RPS6: variants seen among roughly 807,000 people sequenced by gnomAD.
RPS6 encodes small ribosomal subunit protein eS6.
A neutral mutation model predicts 27.1 loss-of-function variants in RPS6; 1 was observed. The observed-to-expected ratio is 0.04, with a 90% CI of 0.01 to 0.18. The LOEUF (loss-of-function observed/expected upper bound fraction) is 0.18. Ranked by LOEUF, RPS6 falls within the 10% of genes least tolerant of loss-of-function variation. The probability of loss-of-function intolerance (pLI) is 1.00; values close to 1 mark genes in which losing one functional copy is unlikely to be tolerated. For synonymous variants in RPS6, 152 were observed against 106.0 expected (o/e 1.43, Z -2.66); for missense variants, 259 against 319.1 (o/e 0.81, Z 1.44).
intron 2 of RPS6, 61 bp downstream of exon 2, chr9:19,379,426 A>G: frequency 1.2e-6 from 2 of 1,604,842 alleles, no homozygotes; most frequent in Non-Finnish European, 1.7e-6. Flanking sequence ...TCCAAATACC[A>G]GTTACCAATG....
In RPS6 at chr9:19,376,245, TCAA is replaced by T. The variant is rs1829584306; in HGVS notation, c.*45_*47del. On this transcript the variant is annotated 3_prime_UTR_variant, in exon 6 of 6. Coordinates refer to ENST00000380394, the MANE Select transcript of RPS6 (RefSeq NM_001010.3). ...GTAGTTTTCTATCAGCAATGAAAAG[TCAA>T]CAGAGATCAGAGTCTGATCTTATTT... 6.8e-7 allele frequency: 1 copy of T among 1,474,208 alleles called. No homozygotes were observed. The highest frequency in any genetic ancestry group is 1.4e-5 in the African/African-American group (1 of 70,872). The allele number at this position is 1,474,208 out of a possible 1,614,324, so 91.3% of individuals were successfully genotyped here.
In RPS6 at chr9:19,379,481, T is replaced by C. The variant is rs200536268; in HGVS notation, c.138+6A>G. 37 of 1,614,038 alleles carry C rather than the reference T, an allele frequency of 2.3e-5. No individual in the cohort carries two copies. Among genetic ancestry groups the C allele is most frequent in the Non-Finnish European group, 2.9e-5 (34 of 1,180,018 alleles). On this transcript the variant is annotated splice_donor_region_variant and intron_variant, in intron 2 of 5. Coordinates refer to ENST00000380394, the MANE Select transcript of RPS6 (RefSeq NM_001010.3). ...TAAATACCTGCAACAATTTGTCAAC[T>C]TTTACCTTCCATTCTTCACCCAGAG...
rs1030336018 is a variant in RPS6 at position 19,376,029 on chromosome 9, T to C, written c.*264A>G. 2 of 339,208 alleles carry C rather than the reference T, an allele frequency of 5.9e-6. No individual in the cohort carries two copies. The highest frequency in any genetic ancestry group is 4.4e-5 in the Admixed American group (1 of 22,958). 21.0% of individuals were successfully genotyped at this position (339,208 alleles called of 1,614,324 possible). A position where few individuals can be genotyped will look rare whatever the true frequency, so the allele number is the denominator to read the frequency against. On this transcript the variant is annotated 3_prime_UTR_variant, in exon 6 of 6. Transcript: ENST00000380394. ...TCCTCATCATTTCCCCTAAGTTCCATGCCATTCTGAAGAGGCAGGTGTCTT... is the reference window on the plus strand; with the variant it reads ...TCCTCATCATTTCCCCTAAGTTCCACGCCATTCTGAAGAGGCAGGTGTCTT...
chr9:19,379,048 CGTTTT>C, intron 2 of RPS6, 130 bp from the exon 3 acceptor site: 1 of 958,242 alleles, frequency 1.0e-6, no homozygotes. Flanking sequence ...AACTTAAGCA[CGTTTT>C]CTCTGTTCAG....
chr9:19,378,486 A>G lies in RPS6; in HGVS notation c.378T>C (p.Asp126=), dbSNP rs1829626103. 2 of 1,614,220 alleles carry G rather than the reference A, an allele frequency of 1.2e-6. No individual in the cohort carries two copies. Among genetic ancestry groups the G allele is most frequent in the South Asian group, 1.1e-5 (1 of 91,086 alleles). ...KGEKDIPGLT[D]TTVPRRLGPK... ...GGCCCAGGCGGCGAGGCACTGTAGTATCAGTCAGTCCAGGAATATCCTTCT... is the reference window on the plus strand; with the variant it reads ...GGCCCAGGCGGCGAGGCACTGTAGTGTCAGTCAGTCCAGGAATATCCTTCT... The change falls in exon 4 of 6, where the codon GAT becomes GAC. Residue 126 remains aspartate, a synonymous_variant. Coordinates refer to ENST00000380394, the MANE Select transcript of RPS6 (RefSeq NM_001010.3).
At chr9:19,379,902 A>C (rs936465409) in intron 1 of RPS6, 41 of 1,425,588 alleles carry the variant, frequency 2.9e-5, no homozygotes, top group Non-Finnish European at 3.7e-5. Context: ...GCCGGGGTCA[A>C]GAGCCGCACC....
At position 19,378,695 on chromosome 9, in the gene RPS6, A is replaced by C. The variant is rs956289056; in HGVS notation, c.349+13T>G. The C allele has an allele frequency of 6.2e-7, 1 of 1,613,612 alleles. No homozygotes were observed. The highest frequency in any genetic ancestry group is 1.3e-5 in the African/African-American group (1 of 75,050). On this transcript the variant is annotated intron_variant, in intron 3 of 5. Coordinates refer to ENST00000380394, the MANE Select transcript of RPS6 (RefSeq NM_001010.3). Reference sequence around the variant, plus strand: ...ATCAATTTCAACGAAAATTGAACACAAGTAACCCTCACCTTTTTTTACAAT... The same window carrying C: ...ATCAATTTCAACGAAAATTGAACACCAGTAACCCTCACCTTTTTTTACAAT...
Position 19,376,104 on chromosome 9 carries a change from TACACTG to T in RPS6, c.*183_*188del, listed in dbSNP as rs1256240157. The T allele has an allele frequency of 1.6e-5, 9 of 565,242 alleles. No individual in the cohort carries two copies. The highest frequency in any genetic ancestry group is 1.6e-4 in the South Asian group (7 of 44,724). 35.0% of individuals were successfully genotyped at this position (565,242 alleles called of 1,614,324 possible). A position where few individuals can be genotyped will look rare whatever the true frequency, so the allele number is the denominator to read the frequency against. On this transcript the variant is annotated 3_prime_UTR_variant, in exon 6 of 6. Transcript: ENST00000380394. ...ACCCATCCCCTGAAAGGAACCCCTGTACACTGACCTTGTCTTCCACTACCACACACA... is the reference window on the plus strand; with the variant it reads ...ACCCATCCCCTGAAAGGAACCCCTGTACCTTGTCTTCCACTACCACACACA...
At chr9:19,379,190 A>C in intron 2 of RPS6, 1 of 974,694 alleles carries the variant, frequency 1.0e-6, no homozygotes, top group South Asian at 1.8e-5. Context: ...GCAACAAACA[A>C]ATCAGATACA....
intron 2 of RPS6, 173 bp downstream of exon 2, chr9:19,379,312 ACT>A: frequency 6.7e-7 from 1 of 1,492,130 alleles, no homozygotes; most frequent in Non-Finnish European, 8.9e-7. Flanking sequence ...TTTATGGCTT[ACT>A]CTACGTCCCC....
At chr9:19,377,277 T>A (rs1388719773) in intron 4 of RPS6, among the ~76,000 whole-genome samples, 1 of 151,890 alleles carries the variant, frequency 6.6e-6, no homozygotes, top group Non-Finnish European at 1.5e-5. Flanking sequence ...ATGTTAAGCC[T>A]CCTACTATAG....
chr9:19,379,511 A>T lies in RPS6; in HGVS notation c.114T>A (p.Ala38=). 6.2e-7 allele frequency: 1 copy of T among 1,614,196 alleles called. No individual in the cohort carries two copies. Among genetic ancestry groups the T allele is most frequent in the Non-Finnish European group, 8.5e-7 (1 of 1,180,036 alleles). ...CCTTCCATTCTTCACCCAGAGCGTCAGCAGCAACTTCTGTGGCCATACGCT... is the reference window on the plus strand; with the variant it reads ...CCTTCCATTCTTCACCCAGAGCGTCTGCAGCAACTTCTGTGGCCATACGCT... ...YEKRMATEVA[A]DALGEEWKGY... Residue 38 remains alanine, a synonymous_variant, in exon 2 of 6, where the codon GCT becomes GCA. Coordinates refer to ENST00000380394, the MANE Select transcript of RPS6 (RefSeq NM_001010.3).
In RPS6 at chr9:19,379,500, C is replaced by T. The variant is rs1213364965; in HGVS notation, c.125G>A (p.Gly42Asp). ...GTCAACTTTTACCTTCCATTCTTCA[C>T]CCAGAGCGTCAGCAGCAACTTCTGT... ...MATEVAADAL[G>D]EEWKGYVVRI... Residue 42 changes from glycine to aspartate, a missense_variant, in exon 2 of 6, where the codon GGT becomes GAT. Coordinates refer to ENST00000380394, the MANE Select transcript of RPS6 (RefSeq NM_001010.3). 2 of 1,614,156 alleles carry T rather than the reference C, an allele frequency of 1.2e-6. No individual in the cohort carries two copies. The highest frequency in any genetic ancestry group is 1.7e-6 in the Non-Finnish European group (2 of 1,180,018).
rs764971346 is a variant in RPS6 at position 19,379,446 on chromosome 9, GTC to G, written c.138+39_138+40del. The stretch of plus-strand genomic sequence containing the variant: ...ATACCAGTTACCAATGGCGTTTACC[GTC>G]TCTGACTTAAATACCTGCAACAATT... On this transcript the variant is annotated intron_variant, in intron 2 of 5. Transcript: ENST00000380394. The G allele has an allele frequency of 6.2e-6, 10 of 1,612,434 alleles. No individual in the cohort carries two copies. The Admixed American group carries it at 1.5e-4, about 24-fold the overall frequency.
chr9:19,376,008 C>G lies in RPS6; in HGVS notation c.*285G>C, dbSNP rs1829573227. The G allele has an allele frequency of 3.6e-6, 1 of 281,160 alleles. No individual in the cohort carries two copies. Among genetic ancestry groups the G allele is most frequent in the African/African-American group, 2.2e-5 (1 of 46,258 alleles). 17.4% of individuals were successfully genotyped at this position (281,160 alleles called of 1,614,324 possible). A position where few individuals can be genotyped will look rare whatever the true frequency, so the allele number is the denominator to read the frequency against. ...CTATATAAAAAAGATTAATAGTCCT[C>G]ATCATTTCCCCTAAGTTCCATGCCA... On this transcript the variant is annotated 3_prime_UTR_variant, in exon 6 of 6. Transcript: ENST00000380394.
chr9:19,376,685 T>C (rs1275233916), intron 4 of RPS6, 34 bp from the exon 5 acceptor site: 1 of 1,583,420 alleles, frequency 6.3e-7, no homozygotes, highest in African/African-American at 1.4e-5. Flanking sequence ...ATTTCAATAT[T>C]TGTTTTGTTA....
rs753128005 is a variant in RPS6, at chr9:19,379,434, A to G, written c.138+53T>C. 5 of 1,609,434 alleles carry G rather than the reference A, an allele frequency of 3.1e-6. 1 individual carries two copies. Among genetic ancestry groups the G allele is most frequent in the South Asian group, 1.1e-5 (1 of 90,504 alleles). On this transcript the variant is annotated intron_variant, in intron 2 of 5. Coordinates refer to ENST00000380394, the MANE Select transcript of RPS6 (RefSeq NM_001010.3). The stretch of plus-strand genomic sequence containing the variant: ...ACCCCATTCCAAATACCAGTTACCA[A>G]TGGCGTTTACCGTCTCTGACTTAAA...
chr9:19,380,035 A>G (rs1829653409), intron 1 of RPS6, 155 bp downstream of exon 1: 2 of 1,549,760 alleles, frequency 1.3e-6, no homozygotes, highest in Non-Finnish European at 1.7e-6. Context: ...TTCGGCCAAA[A>G]AGCTCCATGC....
intron 4 of RPS6, among the ~76,000 whole-genome samples, chr9:19,377,697 C>T (rs1829611645): frequency 1.3e-5 from 2 of 152,162 alleles, no homozygotes; most frequent in Admixed American, 6.5e-5. Context: ...ATGTTGTCTA[C>T]TATATGGACA....
Sources: allele counts gnomAD v4.1 joint callset (sites outside exome capture counted in the v4.1 genomes callset), GRCh38; gene constraint gnomAD v4.1.1; transcripts MANE v1.5; gene names NCBI Gene and HGNC (gene_info 2026-07-23, HGNC 2026-07-21).